Variants in ZNF544 observed in about 807,000 individuals in gnomAD.
ZNF544 encodes zinc finger protein 544, also known as zinc finger protein AF020591.
Under a neutral mutation model 13.5 loss-of-function variants are expected in ZNF544, and 10 were observed. The ratio of observed to expected loss-of-function variants is 0.74; its 90% CI spans 0.46 to 1.25. ZNF544 has a LOEUF of 1.25. ZNF544 is among the 50% of genes most tolerant of loss of function. ZNF544 has a pLI of 0.00. For missense variants in ZNF544, 896 were observed against 845.6 expected (o/e 1.06, Z -0.74); for synonymous variants, 323 against 300.5 (o/e 1.07, Z -0.77).
intron 6 of ZNF544, chr19:58,259,534 T>C (rs1208284348): frequency 6.6e-6 from 1 of 152,238 alleles, no homozygotes; most frequent in Non-Finnish European, 1.5e-5. Context: ...AATCAAGGTG[T>C]TGATATGGTT....
chr19:58,262,704 C>CG lies in ZNF544; in HGVS notation c.2098_2099insG (p.Gln700ArgfsTer48), dbSNP rs1568505177. 6.2e-7 allele frequency: 1 copy of CG among 1,611,250 alleles called. No homozygotes were observed. Among genetic ancestry groups the CG allele is most frequent in the East Asian group, 2.2e-5 (1 of 44,796 alleles). On this transcript the variant is annotated frameshift_variant, in exon 7 of 7. Coordinates refer to ENST00000687789, the MANE Select transcript of ZNF544 (RefSeq NM_014480.4). LOFTEE classifies it low-confidence loss of function (END_TRUNC). ...TGACTGTGGGAAATCCTTCCGGCAGCAATCTCAACTTGTAGTGCATCGGCG... is the reference window on the plus strand; with the variant it reads ...TGACTGTGGGAAATCCTTCCGGCAGCGAATCTCAACTTGTAGTGCATCGGCG...
Position 58,274,093 on chromosome 19 carries a change from T to A in ZNF544, c.245-2230T>A, listed in dbSNP as rs149003728. ...ACAAGTGTGAGCCACCGTGCCCGGC[T>A]CCTAAACAGTTTTTGTTTATGTAGG... is the stretch of plus-strand genomic sequence containing the variant. On this transcript the variant is annotated intron_variant, in intron 5 of 6. Transcript: ENST00000595981. Among the ~76,000 whole-genome samples the A allele has an allele frequency of 2.0e-3, 311 of 152,188 alleles. 2 individuals are homozygous for A. The highest frequency in any genetic ancestry group is 0.015 in the Admixed American group (232 of 15,284).
At chr19:58,238,070 T>C (rs1441408079) in intron 3 of ZNF544, among the ~76,000 whole-genome samples, 4 of 152,158 alleles carry the variant, frequency 2.6e-5, no homozygotes, top group Admixed American at 6.6e-5. Context: ...GTAGCTGGGA[T>C]TACAGACGTG....
downstream of ZNF544, chr19:58,267,677 A>T (rs1404735874): frequency 2.9e-4 from 1 of 3,472 alleles, no homozygotes; most frequent in Admixed American, 2.8e-3. Context: ...GACTCCATCT[A>T]AAAAAAAAAA....
chr19:58,242,094 C>G (rs1211671167), intron 3 of ZNF544: 9 of 299,894 alleles, frequency 3.0e-5, no homozygotes, highest in Non-Finnish European at 4.4e-5. Flanking sequence ...CCTCAGGCAC[C>G]AGAAGTGTTT....
downstream of ZNF544, chr19:58,267,047 A>C (rs928477851): frequency 4.6e-5 from 7 of 152,166 alleles, no homozygotes; most frequent in Non-Finnish European, 8.8e-5. Context: ...GAAAAGACAG[A>C]TATTCAGAGG....
intron 3 of ZNF544, among the ~76,000 whole-genome samples, chr19:58,235,640 T>C (rs1467459150): frequency 6.6e-6 from 1 of 152,256 alleles, no homozygotes; most frequent in African/African-American, 2.4e-5. Flanking sequence ...AATGCATATG[T>C]TAATTACCTC....
intron 3 of ZNF544, among the ~76,000 whole-genome samples, chr19:58,239,135 G>T (rs1020964496): frequency 9.9e-5 from 15 of 152,160 alleles, no homozygotes; most frequent in Non-Finnish European, 1.9e-4. Flanking sequence ...TGTGAGGTTG[G>T]CCTCAGGCTT....
chr19:58,234,771 T>C (rs1000827317), intron 3 of ZNF544, among the ~76,000 whole-genome samples: 18 of 152,202 alleles, frequency 1.2e-4, no homozygotes, highest in African/African-American at 4.1e-4. Context: ...TCAGAAACAT[T>C]AAACTCTTTA....
At chr19:58,253,571 TG>T (rs1352285666) in intron 6 of ZNF544, among the ~76,000 whole-genome samples, 1 of 152,208 alleles carries the variant, frequency 6.6e-6, no homozygotes, top group African/African-American at 2.4e-5. Context: ...CCTGAGTAGC[TG>T]GGACAACAGG....
chr19:58,256,645 CTGT>C (rs900330587), intron 6 of ZNF544, among the ~76,000 whole-genome samples: 1 of 152,182 alleles, frequency 6.6e-6, no homozygotes, highest in African/African-American at 2.4e-5. Context: ...TCAAGGTTTT[CTGT>C]TGTTATCTCT....
chr19:58,258,631 C>G, intron 6 of ZNF544: 1 of 153,802 alleles, frequency 6.5e-6, no homozygotes, highest in South Asian at 1.6e-4. Flanking sequence ...GTGAGGGCAC[C>G]AGGTGTGAGG....
intron 3 of ZNF544, among the ~76,000 whole-genome samples, chr19:58,232,238 G>A (rs2041396878): frequency 6.6e-6 from 1 of 152,060 alleles, no homozygotes; most frequent in Non-Finnish European, 1.5e-5. Context: ...TGACAAACAG[G>A]TGGTGGGATG....
At chr19:58,233,903 C>T (rs1232603939) in intron 3 of ZNF544, among the ~76,000 whole-genome samples, 3 of 152,192 alleles carry the variant, frequency 2.0e-5, no homozygotes, top group Non-Finnish European at 2.9e-5. Flanking sequence ...TACTTGTTCA[C>T]TCTGGGAAAA....
intron 2 of ZNF544, 111 bp downstream of exon 2, chr19:58,229,681 G>A (rs2040785860): frequency 6.6e-6 from 1 of 152,388 alleles, no homozygotes; most frequent in Non-Finnish European, 1.5e-5. Context: ...GCCTGCACTG[G>A]TTAAGCGATG....
intron 5 of ZNF544, 106 bp downstream of exon 5, chr19:58,246,533 C>T: frequency 1.3e-6 from 2 of 1,539,108 alleles, no homozygotes; most frequent in Non-Finnish European, 1.8e-6. Flanking sequence ...GAAGCAGGTC[C>T]CTTTCAGGTG....
intron 6 of ZNF544, among the ~76,000 whole-genome samples, chr19:58,248,142 G>A (rs566365317): frequency 2.4e-4 from 37 of 151,862 alleles, no homozygotes; most frequent in African/African-American, 8.9e-4. Flanking sequence ...TCGATCTCCT[G>A]ACCTCATGAT....
chr19:58,277,249 T>C, exon 7 of ZNF544: 1 of 665,208 alleles, frequency 1.5e-6, no homozygotes, highest in East Asian at 1.5e-4. Context: ...GTGGCCAGCT[T>C]GAGCCCTCAG....
Position 58,261,489 on chromosome 19 carries a change from A to G in ZNF544, c.883A>G (p.Lys295Glu), listed in dbSNP as rs1322876047. Reference sequence around the variant, plus strand: ...TGAACAGAAGCCAGTGCATTTTGGGAAAAGTCAGTATGAGTGTGATGAGTG... The same window carrying G: ...TGAACAGAAGCCAGTGCATTTTGGGGAAAGTCAGTATGAGTGTGATGAGTG... ...LNEQKPVHFG[K>E]SQYECDECRE... The change falls in exon 7 of 7, where the codon AAA (lysine) becomes GAA (glutamate). Residue 295 changes from lysine to glutamate, a missense_variant. By Grantham distance (56) the Lys-to-Glu change is moderately conservative. Coordinates refer to ENST00000687789, the MANE Select transcript of ZNF544 (RefSeq NM_014480.4). The G allele has an allele frequency of 1.9e-5, 31 of 1,614,046 alleles. No homozygotes were observed. Among genetic ancestry groups the G allele is most frequent in the Non-Finnish European group, 2.3e-5 (27 of 1,180,040 alleles).
Sources: gnomAD v4.1 joint callset for allele counts (sites outside exome capture counted in the v4.1 genomes callset) on GRCh38, gnomAD v4.1.1 for gene constraint, MANE v1.5 for transcripts, NCBI Gene and HGNC (gene_info 2026-07-23, HGNC 2026-07-21) for gene names.